Variants in PHACTR3 observed in about 807,000 individuals in gnomAD.
PHACTR3 encodes phosphatase and actin regulator 3, also known as protein phosphatase 1, regulatory subunit 123.
Under a neutral mutation model 66.8 loss-of-function variants are expected in PHACTR3, and 16 were observed. The observed-to-expected ratio is 0.24, with a 90% CI of 0.16 to 0.36. The LOEUF is 0.36. PHACTR3 is among the 10% of genes least tolerant of loss of function. The pLI, the probability that PHACTR3 is intolerant of heterozygous loss-of-function variation, is 1.00. For missense variants in PHACTR3, 647 were observed against 719.9 expected, an observed-to-expected ratio of 0.90 and a Z score of 1.16; for synonymous variants, 323 against 292.1, an observed-to-expected ratio of 1.11 and a Z score of -1.08.
chr20:59,836,128 C>T (rs1305652004), intron 8 of PHACTR3: 2 of 167,546 alleles, frequency 1.2e-5, no homozygotes, highest in East Asian at 3.4e-4. Flanking sequence ...GTGCTACCCA[C>T]CCCTCCCTAA....
intron 1 of PHACTR3, among the ~76,000 whole-genome samples, chr20:59,661,945 G>C (rs1389513227): frequency 2.6e-5 from 4 of 152,122 alleles, no homozygotes; most frequent in South Asian, 2.1e-4. Context: ...GGGATGCCTT[G>C]GGTTGGATCA....
intron 8 of PHACTR3, among the ~76,000 whole-genome samples, chr20:59,821,801 A>G (rs1421394210): frequency 6.6e-6 from 1 of 152,044 alleles, no homozygotes; most frequent in African/African-American, 2.4e-5. Context: ...ATGGGCTTGG[A>G]GAGCACCGCC....
chr20:59,801,790 G>A (rs1308783542), intron 7 of PHACTR3, among the ~76,000 whole-genome samples: 1 of 152,224 alleles, frequency 6.6e-6, no homozygotes, highest in African/African-American at 2.4e-5. Context: ...CAGGGAAAAA[G>A]CCACACAAAT....
chr20:59,837,339 T>G (rs907159292), intron 9 of PHACTR3, among the ~76,000 whole-genome samples: 1 of 152,222 alleles, frequency 6.6e-6, no homozygotes, highest in African/African-American at 2.4e-5. Context: ...TGAGTTTGTT[T>G]TCTTATTTGT....
chr20:59,808,134 G>A (rs1456406727), intron 8 of PHACTR3, among the ~76,000 whole-genome samples: 1 of 152,196 alleles, frequency 6.6e-6, no homozygotes, highest in African/African-American at 2.4e-5. Context: ...CCATGAGCCG[G>A]GTGGAGCTGA....
intron 1 of PHACTR3, among the ~76,000 whole-genome samples, chr20:59,642,197 G>A (rs2035126949): frequency 6.6e-6 from 1 of 152,132 alleles, no homozygotes; most frequent in African/African-American, 2.4e-5. Flanking sequence ...CTTAGACATG[G>A]ACAAGGATGC....
chr20:59,806,038 T>C lies in PHACTR3; in HGVS notation c.1175-3T>C, dbSNP rs770103029. 1.2e-6 allele frequency: 2 copies of C among 1,613,190 alleles called. No individual in the cohort carries two copies. Among genetic ancestry groups the C allele is most frequent in the Non-Finnish European group, 8.5e-7 (1 of 1,179,570 alleles). On this transcript the variant is annotated splice_polypyrimidine_tract_variant and splice_region_variant and intron_variant, in intron 7 of 12. Coordinates refer to ENST00000371015, the MANE Select transcript of PHACTR3 (RefSeq NM_080672.5). ...CTCCTCTTGCCCTGGATGGGGCTTT[T>C]AGGAACACTGCCACGGAAATGCAAG...
At chr20:59,824,991 G>A (rs1200308352) in intron 8 of PHACTR3, among the ~76,000 whole-genome samples, 1 of 152,230 alleles carries the variant, frequency 6.6e-6, no homozygotes, top group Non-Finnish European at 1.5e-5. Context: ...GTAAGGCAGA[G>A]CTGTGTCCCA....
chr20:59,588,556 G>A (rs1245349069), intron 1 of PHACTR3, among the ~76,000 whole-genome samples: 1 of 152,252 alleles, frequency 6.6e-6, no homozygotes, highest in South Asian at 2.1e-4. Context: ...TAAAATCCAC[G>A]CTTCTACTCA....
chr20:59,781,801 C>T (rs2040735681), intron 7 of PHACTR3, among the ~76,000 whole-genome samples: 2 of 151,858 alleles, frequency 1.3e-5, no homozygotes, highest in Admixed American at 1.3e-4. Flanking sequence ...GGAGTAAGGC[C>T]CTAGGAAGTA....
chr20:59,677,481 G>T (rs888393995), intron 1 of PHACTR3, among the ~76,000 whole-genome samples: 4 of 152,178 alleles, frequency 2.6e-5, no homozygotes, highest in African/African-American at 9.7e-5. Context: ...GCCCAAGAAG[G>T]CGATGGAGAA....
intron 1 of PHACTR3, among the ~76,000 whole-genome samples, chr20:59,584,466 G>A (rs1213098738): frequency 6.6e-6 from 1 of 152,100 alleles, no homozygotes; most frequent in African/African-American, 2.4e-5. Context: ...GTGTGTGAAG[G>A]TGTGCGTGAG....
chr20:59,746,451 A>C (rs1228518284), intron 2 of PHACTR3, among the ~76,000 whole-genome samples: 1 of 152,142 alleles, frequency 6.6e-6, no homozygotes, highest in Non-Finnish European at 1.5e-5. Context: ...GTGCTCAGTA[A>C]ATGTGTAAGG....
intron 11 of PHACTR3, chr20:59,844,947 C>A: frequency 5.7e-6 from 2 of 351,380 alleles, no homozygotes; most frequent in South Asian, 7.5e-5. Context: ...TATATATGTA[C>A]AAATATTATG....
In PHACTR3 at chr20:59,604,877, C is replaced by CTTGTTTTTTTTTTTTT; in HGVS notation, c.-136_-135insGTTTTTTTTTTTTTTT. The CTTGTTTTTTTTTTTTT allele has an allele frequency of 4.1e-6, 4 of 977,908 alleles. No homozygotes were observed. Among genetic ancestry groups the CTTGTTTTTTTTTTTTT allele is most frequent in the Non-Finnish European group, 3.6e-6 (3 of 829,326 alleles). The allele number at this position is 977,908 out of a possible 1,614,324, so 60.6% of individuals were successfully genotyped here. On this transcript the variant is annotated 5_prime_UTR_variant, in exon 1 of 13. Transcript: ENST00000371015. ...TCTCCAGCTCGTTTCCTTTCCCGGC[C>CTTGTTTTTTTTTTTTT]TTTTTTTTTTTTTTTTTTTTTTAAT...
chr20:59,693,219 C>T (rs1442746131), intron 1 of PHACTR3, among the ~76,000 whole-genome samples: 2 of 152,176 alleles, frequency 1.3e-5, no homozygotes, highest in Non-Finnish European at 2.9e-5. Flanking sequence ...CTGGCACAGA[C>T]GTCCTCATCC....
intron 1 of PHACTR3, among the ~76,000 whole-genome samples, chr20:59,643,438 G>T (rs1383002615): frequency 6.6e-6 from 1 of 152,164 alleles, no homozygotes; most frequent in Admixed American, 6.5e-5. Context: ...TCTTTATTAT[G>T]ATTTTAAGCA....
intron 7 of PHACTR3, among the ~76,000 whole-genome samples, chr20:59,804,816 G>A (rs370546905): frequency 5.9e-4 from 90 of 152,250 alleles, no homozygotes; most frequent in African/African-American, 1.9e-3. Context: ...TCTGTGAAAC[G>A]ACCATGTTGT....
chr20:59,840,635 C>A (rs2059041746), intron 10 of PHACTR3, among the ~76,000 whole-genome samples: 1 of 152,234 alleles, frequency 6.6e-6, no homozygotes, highest in Non-Finnish European at 1.5e-5. Flanking sequence ...CGAAGTCCTT[C>A]CCTAGCACGG....
Sources: gnomAD v4.1 joint callset for allele counts (sites outside exome capture counted in the v4.1 genomes callset) on GRCh38, gnomAD v4.1.1 for gene constraint, MANE v1.5 for transcripts, NCBI Gene and HGNC (gene_info 2026-07-23, HGNC 2026-07-21) for gene names.